Variants in SYT14 observed in about 807,000 individuals in gnomAD.
The protein encoded by SYT14 is synaptotagmin-14.
SYT14 carries 32 observed loss-of-function variants against 74.2 expected under a neutral mutation model. That is an observed-to-expected ratio of 0.43 (90% CI 0.33 to 0.58). The LOEUF (loss-of-function observed/expected upper bound fraction) is 0.58. SYT14 is among the 20% of genes least tolerant of loss of function. SYT14 has a pLI of 0.05. For synonymous variants in SYT14, 298 were observed against 337.7 expected, an observed-to-expected ratio of 0.88 and a Z score of 1.29; for missense variants, 791 against 981.8, an observed-to-expected ratio of 0.81 and a Z score of 2.60.
intron 1 of SYT14, among the ~76,000 whole-genome samples, 187 bp downstream of exon 1, chr1:209,938,464 G>T (rs1283232136): frequency 6.6e-6 from 1 of 151,784 alleles, no homozygotes; most frequent in African/African-American, 2.4e-5. Flanking sequence ...CTGGGACGCC[G>T]GGCCCGACTG....
At chr1:210,144,761 T>C (rs1329002738) in intron 7 of SYT14, among the ~76,000 whole-genome samples, 1 of 152,096 alleles carries the variant, frequency 6.6e-6, no homozygotes, top group African/African-American at 2.4e-5. Flanking sequence ...CAGATTCAAA[T>C]CATCTCATTT....
At chr1:210,084,604 A>G (rs149863257) in intron 5 of SYT14, among the ~76,000 whole-genome samples, 230 of 152,372 alleles carry the variant, frequency 1.5e-3, no homozygotes, top group African/African-American at 5.1e-3. Context: ...AGATCGTGGC[A>G]TAGAACAAGA....
chr1:210,019,487 A>C (rs1161291741), intron 4 of SYT14, among the ~76,000 whole-genome samples: 4 of 151,950 alleles, frequency 2.6e-5, no homozygotes, highest in Non-Finnish European at 5.9e-5. Flanking sequence ...ACTGGGTTTT[A>C]ATTTCTGTTT....
chr1:209,953,923 A>C (rs1309032632), intron 2 of SYT14, among the ~76,000 whole-genome samples: 1 of 152,192 alleles, frequency 6.6e-6, no homozygotes, highest in Non-Finnish European at 1.5e-5. Context: ...CTTCTTACCT[A>C]AAATGGAGGT....
chr1:210,021,839 ATTAT>A (rs1160122583), intron 5 of SYT14, among the ~76,000 whole-genome samples: 7 of 152,290 alleles, frequency 4.6e-5, no homozygotes, highest in Non-Finnish European at 8.8e-5. Context: ...AATTTGAAGG[ATTAT>A]TTGTCTCTAA....
chr1:210,161,607 T>A (rs1237127717), exon 10 of SYT14: 2 of 454,022 alleles, frequency 4.4e-6, no homozygotes, highest in Non-Finnish European at 8.8e-6. Flanking sequence ...TCATTGTGCC[T>A]CAGTTCCTCT....
At chr1:210,088,321 G>A (rs570931663) in intron 5 of SYT14, among the ~76,000 whole-genome samples, 16 of 151,834 alleles carry the variant, frequency 1.1e-4, no homozygotes, top group African/African-American at 3.9e-4. Context: ...TCTACATTAG[G>A]TATTTCTCCT....
At chr1:209,992,024 T>C (rs1050768168) in intron 2 of SYT14, among the ~76,000 whole-genome samples, 3 of 152,180 alleles carry the variant, frequency 2.0e-5, no homozygotes, top group Non-Finnish European at 4.4e-5. Context: ...GGAAAATAAA[T>C]CATTATATCA....
chr1:210,025,610 A>G (rs59904008), intron 5 of SYT14, among the ~76,000 whole-genome samples: 25,343 of 152,084 alleles, frequency 0.17, 6,717 homozygotes, highest in African/African-American at 0.56. Flanking sequence ...CTCTACTCCT[A>G]CAAATCTGCA....
chr1:210,047,886 A>C (rs895201870), intron 5 of SYT14, among the ~76,000 whole-genome samples: 1 of 152,210 alleles, frequency 6.6e-6, no homozygotes, highest in African/African-American at 2.4e-5. Context: ...GATTTTTGGC[A>C]GGAATACTAT....
At chr1:210,100,027 G>A (rs1426199351) in exon 7 of SYT14, 1 of 1,613,800 alleles carries the variant, frequency 6.2e-7, no homozygotes, top group Non-Finnish European at 8.5e-7. Context: ...GTCAGCTCAA[G>A]GATCATCTTC....
intron 7 of SYT14, among the ~76,000 whole-genome samples, chr1:210,124,017 G>T (rs2082517525): frequency 6.6e-6 from 1 of 152,044 alleles, no homozygotes; most frequent in Non-Finnish European, 1.5e-5. Context: ...TAGTAGAAGG[G>T]TCAGTACGAG....
intron 7 of SYT14, among the ~76,000 whole-genome samples, chr1:210,126,183 C>A (rs938459266): frequency 2.0e-5 from 3 of 151,578 alleles, no homozygotes; most frequent in African/African-American, 2.4e-5. Flanking sequence ...AGCCTGGCGA[C>A]AGAGTGAGAC....
At chr1:210,033,114 G>A (rs1353446874) in intron 5 of SYT14, among the ~76,000 whole-genome samples, 4 of 151,860 alleles carry the variant, frequency 2.6e-5, no homozygotes, top group Admixed American at 2.6e-4. Context: ...AGAAGAACAT[G>A]TCCTGTCTGT....
chr1:210,089,353 T>C, intron 5 of SYT14, among the ~76,000 whole-genome samples: 1 of 152,146 alleles, frequency 6.6e-6, no homozygotes, highest in Admixed American at 6.5e-5. Flanking sequence ...TGTGCATGTG[T>C]CTTTATAGTA....
At chr1:209,989,092 C>T (rs1240374771) in intron 2 of SYT14, among the ~76,000 whole-genome samples, 3 of 152,154 alleles carry the variant, frequency 2.0e-5, no homozygotes, top group Non-Finnish European at 4.4e-5. Flanking sequence ...ATGATCACTC[C>T]TTTATTGCCC....
chr1:209,989,015 T>G (rs1216563292), intron 2 of SYT14, among the ~76,000 whole-genome samples: 1 of 152,192 alleles, frequency 6.6e-6, no homozygotes, highest in East Asian at 1.9e-4. Context: ...CACTGTCCCC[T>G]TTCTCCAGGT....
chr1:210,146,662 T>A (rs1372896026), intron 7 of SYT14, among the ~76,000 whole-genome samples: 2 of 151,650 alleles, frequency 1.3e-5, no homozygotes, highest in Non-Finnish European at 2.9e-5. Flanking sequence ...CAAGGAAGTA[T>A]GTATATACTA....
At chr1:210,048,254 C>A (rs2080923254) in intron 5 of SYT14, among the ~76,000 whole-genome samples, 1 of 152,090 alleles carries the variant, frequency 6.6e-6, no homozygotes, top group African/African-American at 2.4e-5. Flanking sequence ...ATCAATTGTT[C>A]ACTCAAACCG....
Sources: allele counts gnomAD v4.1 joint callset (sites outside exome capture counted in the v4.1 genomes callset), GRCh38; gene constraint gnomAD v4.1.1; transcripts MANE v1.5; gene names NCBI Gene and HGNC (gene_info 2026-07-23, HGNC 2026-07-21).